The following MMS22L variants were observed in gnomAD, a reference collection of about 807,000 sequenced individuals.
MMS22L encodes the protein protein MMS22-like.
MMS22L carries 74 observed loss-of-function variants against 159.1 expected under a neutral mutation model. That is an observed-to-expected ratio of 0.47 (90% confidence interval 0.39 to 0.56). The LOEUF (loss-of-function observed/expected upper bound fraction) is 0.56. MMS22L is among the 20% of genes least tolerant of loss of function. The pLI, the probability that MMS22L is intolerant of heterozygous loss-of-function variation, is 0.00. For synonymous variants in MMS22L, 517 were observed against 506.9 expected (o/e 1.02, Z -0.27); for missense variants, 1,351 against 1,422.1 (o/e 0.95, Z 0.80).
In MMS22L at chr6:97,268,015, T is replaced by TA; in HGVS notation, c.698-14dup. 6.7e-7 allele frequency: 1 copy of TA among 1,503,256 alleles called. No individual in the cohort carries two copies. 93.1% of individuals were successfully genotyped at this position (1,503,256 alleles called of 1,614,324 possible). ...TATACAACTTGTTCTGAAAATGTAATAAAAATAGTTTTAAAATACAGATTT... is the reference window on the plus strand; with the variant it reads ...TATACAACTTGTTCTGAAAATGTAATAAAAAATAGTTTTAAAATACAGATTT... On this transcript the variant is annotated splice_polypyrimidine_tract_variant and intron_variant, in intron 7 of 24. Coordinates refer to ENST00000683635, the MANE Select transcript of MMS22L (RefSeq NM_001350599.2).
intron 14 of MMS22L, among the ~76,000 whole-genome samples, chr6:97,193,260 G>A (rs894599852): frequency 1.2e-4 from 18 of 152,178 alleles, no homozygotes; most frequent in African/African-American, 4.3e-4. Flanking sequence ...TGCAAGACTG[G>A]GAAAGAACAA....
chr6:97,198,575 A>G (rs973048275), intron 14 of MMS22L, among the ~76,000 whole-genome samples: 14 of 152,298 alleles, frequency 9.2e-5, no homozygotes, highest in East Asian at 3.9e-4. Flanking sequence ...TCAAAGATGA[A>G]AAAGATGCAG....
Position 97,278,848 on chromosome 6 carries a change from C to T in MMS22L, c.340+1G>A, listed in dbSNP as rs149389562. ...TTGCATTAAACACACCTTAAACTTACCAAAATCACAACTGGACTGTAACAA... is the reference window on the plus strand; with the variant it reads ...TTGCATTAAACACACCTTAAACTTATCAAAATCACAACTGGACTGTAACAA... On this transcript the variant is annotated splice_donor_variant, in intron 4 of 24. Coordinates refer to ENST00000683635, the MANE Select transcript of MMS22L (RefSeq NM_001350599.2). LOFTEE classifies it high-confidence loss of function. 1.8e-5 allele frequency: 29 copies of T among 1,612,778 alleles called. No homozygotes were observed. Among genetic ancestry groups the T allele is most frequent in the Non-Finnish European group, 2.4e-5 (28 of 1,179,516 alleles).
chr6:97,246,781 A>G, intron 10 of MMS22L, 91 bp from the exon 11 acceptor site: 5 of 775,820 alleles, frequency 6.4e-6, no homozygotes, highest in Non-Finnish European at 1.1e-5. Context: ...TGTGCAGTAC[A>G]TTTTCCTCTA....
chr6:97,235,274 C>G (rs564607735), intron 11 of MMS22L, among the ~76,000 whole-genome samples: 151 of 152,142 alleles, frequency 9.9e-4, no homozygotes, highest in African/African-American at 3.5e-3. Flanking sequence ...GGAAATAGGT[C>G]AATGGTGCTA....
Position 97,263,320 on chromosome 6 carries a change from A to G in MMS22L, c.942+15T>C. The G allele has an allele frequency of 6.8e-7, 1 of 1,477,634 alleles. No individual in the cohort carries two copies. The highest frequency in any genetic ancestry group is 9.3e-7 in the Non-Finnish European group (1 of 1,072,366). 91.5% of individuals were successfully genotyped at this position (1,477,634 alleles called of 1,614,324 possible). ...GGTTAGTAACAATAACCAACACATC[A>G]ATTTTCCAACTTACTTCCGAGACAA... is the stretch of plus-strand genomic sequence containing the variant. On this transcript the variant is annotated intron_variant, in intron 9 of 24. Coordinates refer to ENST00000683635, the MANE Select transcript of MMS22L (RefSeq NM_001350599.2).
At chr6:97,223,589 G>T (rs1306288540) in intron 14 of MMS22L, among the ~76,000 whole-genome samples, 1 of 152,060 alleles carries the variant, frequency 6.6e-6, no homozygotes, top group African/African-American at 2.4e-5. Context: ...CAGATTTGGG[G>T]TTAAGAAATT....
At chr6:97,257,495 C>T (rs1172993086) in intron 9 of MMS22L, among the ~76,000 whole-genome samples, 1 of 151,968 alleles carries the variant, frequency 6.6e-6, no homozygotes, top group East Asian at 1.9e-4. Flanking sequence ...ACTCTGTTGC[C>T]CAGGCTACAG....
At chr6:97,246,004 C>T in intron 11 of MMS22L, 1 of 226,416 alleles carries the variant, frequency 4.4e-6, no homozygotes, top group East Asian at 1.3e-4. Context: ...TATTATAATT[C>T]TCCATAAACT....
chr6:97,220,995 C>T (rs1809577117), intron 14 of MMS22L, among the ~76,000 whole-genome samples: 1 of 145,530 alleles, frequency 6.9e-6, no homozygotes, highest in Non-Finnish European at 1.5e-5. Context: ...CACACACACA[C>T]ACACACACGT....
chr6:97,243,667 C>T (rs1040909715), intron 11 of MMS22L, among the ~76,000 whole-genome samples: 1 of 152,044 alleles, frequency 6.6e-6, no homozygotes, highest in Non-Finnish European at 1.5e-5. Flanking sequence ...TTGTTTTGTC[C>T]TATTACCAGA....
intron 19 of MMS22L, among the ~76,000 whole-genome samples, chr6:97,169,822 G>C (rs1247815858): frequency 6.6e-6 from 1 of 152,028 alleles, no homozygotes; most frequent in African/African-American, 2.4e-5. Flanking sequence ...TTACTCTCAG[G>C]TGCAATACAG....
At chr6:97,214,042 T>C (rs73494452) in intron 14 of MMS22L, among the ~76,000 whole-genome samples, 207 of 152,338 alleles carry the variant, frequency 1.4e-3, no homozygotes, top group African/African-American at 4.8e-3. Flanking sequence ...ACATACGCTA[T>C]GGCTCCCATT....
chr6:97,281,453 T>C (rs979675115), intron 2 of MMS22L, 91 bp from the exon 3 acceptor site: 16 of 1,068,034 alleles, frequency 1.5e-5, no homozygotes, highest in Non-Finnish European at 2.1e-5. Context: ...ATCCATATTA[T>C]ACATGACATG....
Position 97,229,013 on chromosome 6 carries a change from G to A in MMS22L, c.1920C>T (p.Cys640=). 6.2e-7 allele frequency: 1 copy of A among 1,614,092 alleles called. No homozygotes were observed. Among genetic ancestry groups the A allele is most frequent in the Non-Finnish European group, 8.5e-7 (1 of 1,179,998 alleles). The stretch of plus-strand genomic sequence containing the variant: ...GCAGTTTTTCATGGGAAGGATACAA[G>A]CAATAGCTGGTCTCAAACACTTCTT... ...GVQEVFETSY[C]LYPSHEKLLN... The change falls in exon 14 of 25, where the codon TGC becomes TGT. Residue 640 remains cysteine, a synonymous_variant. Coordinates refer to ENST00000683635, the MANE Select transcript of MMS22L (RefSeq NM_001350599.2).
At chr6:97,233,741 GA>G (rs545379585) in intron 12 of MMS22L, 119 bp downstream of exon 12, 2 of 1,112,246 alleles carry the variant, frequency 1.8e-6, no homozygotes, top group Non-Finnish European at 2.4e-6. Context: ...AATCTACTCT[GA>G]AAAAAATTAA....
At chr6:97,219,442 T>C (rs1809388777) in intron 14 of MMS22L, among the ~76,000 whole-genome samples, 1 of 152,156 alleles carries the variant, frequency 6.6e-6, no homozygotes, top group African/African-American at 2.4e-5. Context: ...TAACTAAATA[T>C]AGCTATTGAG....
chr6:97,273,202 C>A, intron 4 of MMS22L, 140 bp from the exon 5 acceptor site: 1 of 681,934 alleles, frequency 1.5e-6, no homozygotes, highest in Admixed American at 3.0e-5. Flanking sequence ...TTCTTGCTCC[C>A]CGCTACTCCT....
At chr6:97,174,489 A>C (rs1803920808) in intron 18 of MMS22L, among the ~76,000 whole-genome samples, 1 of 152,110 alleles carries the variant, frequency 6.6e-6, no homozygotes, top group Non-Finnish European at 1.5e-5. Context: ...CCAAAAGAAA[A>C]AAGATTCAAG....
Sources: gnomAD v4.1 joint callset for allele counts (sites outside exome capture counted in the v4.1 genomes callset) on GRCh38, gnomAD v4.1.1 for gene constraint, MANE v1.5 for transcripts, NCBI Gene and HGNC (gene_info 2026-07-23, HGNC 2026-07-21) for gene names.